PVT1: variants seen among roughly 807,000 people sequenced by gnomAD.
PVT1 encodes the protein Pvt1 oncogene.
intron 4 of PVT1, among the ~76,000 whole-genome samples, chr8:127,996,239 C>T (rs1333827315): frequency 6.6e-6 from 1 of 152,120 alleles, no homozygotes; most frequent in African/African-American, 2.4e-5. Flanking sequence ...GCCTCTGGTT[C>T]TCTCCCTCCT....
At chr8:127,845,329 T>G (rs1815019857) in intron 2 of PVT1, among the ~76,000 whole-genome samples, 1 of 152,074 alleles carries the variant, frequency 6.6e-6, no homozygotes, top group Non-Finnish European at 1.5e-5. Flanking sequence ...ATGGCCTAAA[T>G]GAAGAGTGTT....
At chr8:127,941,163 G>T (rs1816344710) in intron 3 of PVT1, among the ~76,000 whole-genome samples, 1 of 152,146 alleles carries the variant, frequency 6.6e-6, no homozygotes. Context: ...AGCAATGGTG[G>T]GTCCAGTTCC....
At chr8:127,837,123 A>G (rs1046428360) in intron 2 of PVT1, among the ~76,000 whole-genome samples, 1 of 151,686 alleles carries the variant, frequency 6.6e-6, no homozygotes, top group East Asian at 1.9e-4. Flanking sequence ...ACTGACAAAC[A>G]CCCCCACGCC....
chr8:127,818,146 C>T (rs942683918), intron 2 of PVT1, among the ~76,000 whole-genome samples: 3 of 152,138 alleles, frequency 2.0e-5, no homozygotes, highest in South Asian at 2.1e-4. Flanking sequence ...TCTTGACTTG[C>T]CCAGGTGGGA....
In PVT1 at chr8:127,988,394, C is replaced by T. The variant is rs182023281; in HGVS notation, n.783-768C>T. Among the ~76,000 whole-genome samples, 72 of 152,268 alleles carry T rather than the reference C, an allele frequency of 4.7e-4. 1 individual carries two copies. Among genetic ancestry groups the T allele is most frequent in the East Asian group, 1.9e-4 (1 of 5,182 alleles). On this transcript the variant is annotated intron_variant and non_coding_transcript_variant, in intron 3 of 10. Transcript: ENST00000651587. The stretch of plus-strand genomic sequence containing the variant: ...ATGGGGTTTTCTGTGGGGGCCACAC[C>T]GGAGCATCACAGTTCTTTGAAGGAC...
At chr8:127,977,871 T>C (rs1816838874) in intron 3 of PVT1, among the ~76,000 whole-genome samples, 1 of 152,238 alleles carries the variant, frequency 6.6e-6, no homozygotes, top group Non-Finnish European at 1.5e-5. Flanking sequence ...CGGTGCCTTC[T>C]GTCAACTGTT....
intron 4 of PVT1, among the ~76,000 whole-genome samples, chr8:128,020,951 A>G (rs1201451730): frequency 1.3e-5 from 2 of 152,114 alleles, no homozygotes; most frequent in Non-Finnish European, 2.9e-5. Flanking sequence ...AACATCTTCC[A>G]AACACTTCAT....
chr8:127,864,315 G>A (rs561093609), intron 2 of PVT1, among the ~76,000 whole-genome samples: 2 of 152,232 alleles, frequency 1.3e-5, no homozygotes, highest in Admixed American at 6.5e-5. Flanking sequence ...CCAGTCCCCC[G>A]CTGCATGAGT....
intron 4 of PVT1, among the ~76,000 whole-genome samples, chr8:128,007,500 A>G (rs1010490717): frequency 1.4e-4 from 22 of 152,212 alleles, no homozygotes; most frequent in African/African-American, 5.1e-4. Flanking sequence ...TCCACAATCA[A>G]TTGGAAAAGA....
intron 3 of PVT1, among the ~76,000 whole-genome samples, chr8:127,973,625 A>G (rs1420666783): frequency 6.6e-6 from 1 of 151,888 alleles, no homozygotes; most frequent in Non-Finnish European, 1.5e-5. Flanking sequence ...ATGGAAAACT[A>G]AAGTTCCTCA....
chr8:127,887,931 G>GT (rs560976785), intron 2 of PVT1, among the ~76,000 whole-genome samples: 38,718 of 65,850 alleles, frequency 0.59, 17,698 homozygotes, highest in Non-Finnish European at 0.65. Context: ...ACTCTATCTT[G>GT]TTTTTTTTTT....
At chr8:128,092,184 GT>G (rs1391544672) in intron 5 of PVT1, among the ~76,000 whole-genome samples, 1 of 152,136 alleles carries the variant, frequency 6.6e-6, no homozygotes. Context: ...CCCCCCTGCT[GT>G]TTCCCATTTA....
At chr8:127,985,226 G>A (rs111612504) in intron 3 of PVT1, among the ~76,000 whole-genome samples, 2 of 151,484 alleles carry the variant, frequency 1.3e-5, no homozygotes, top group Admixed American at 6.6e-5. Flanking sequence ...CAGAGACAGG[G>A]TTTCACCATC....
intron 5 of PVT1, among the ~76,000 whole-genome samples, chr8:128,077,626 G>A (rs893922826): frequency 6.6e-6 from 1 of 152,144 alleles, no homozygotes; most frequent in African/African-American, 2.4e-5. Flanking sequence ...TTAGGAAGGT[G>A]TACATGATAA....
intron 4 of PVT1, among the ~76,000 whole-genome samples, chr8:128,067,240 C>T (rs1016412681): frequency 1.3e-5 from 2 of 152,220 alleles, no homozygotes; most frequent in African/African-American, 4.8e-5. Flanking sequence ...TTTGCAATTT[C>T]TCACTGCAAC....
chr8:127,929,000 G>A lies in PVT1; in HGVS notation n.782+38002G>A, dbSNP rs543998500. Among the ~76,000 whole-genome samples, 16 of 152,278 alleles carry A rather than the reference G, an allele frequency of 1.1e-4. No homozygotes were observed. In the South Asian group the frequency reaches 3.3e-3, roughly 32 times the overall value. On this transcript the variant is annotated intron_variant and non_coding_transcript_variant, in intron 3 of 10. Coordinates refer to ENST00000651587, the Ensembl canonical transcript of PVT1. Reference sequence around the variant, plus strand: ...ATGATATGCGGCTGCACAGCCAGTGGGAGCCAGCATGCCAGAATTAGGAGG... The same window carrying A: ...ATGATATGCGGCTGCACAGCCAGTGAGAGCCAGCATGCCAGAATTAGGAGG...
intron 4 of PVT1, among the ~76,000 whole-genome samples, chr8:128,057,403 G>A (rs555099353): frequency 1.3e-5 from 2 of 152,256 alleles, no homozygotes; most frequent in African/African-American, 4.8e-5. Flanking sequence ...AGGGAGATAT[G>A]TTAAGATTTG....
intron 4 of PVT1, among the ~76,000 whole-genome samples, chr8:128,026,605 G>A (rs11776227): frequency 0.082 from 12,463 of 152,172 alleles, 676 homozygotes; most frequent in Middle Eastern, 0.15. Context: ...GCTTACGACC[G>A]AGATCAGCTG....
chr8:127,909,185 T>C (rs1815860653), intron 3 of PVT1, among the ~76,000 whole-genome samples: 1 of 152,232 alleles, frequency 6.6e-6, no homozygotes, highest in Admixed American at 6.5e-5. Context: ...AAAGAGACTT[T>C]TAAAAATTAA....
Sources: gnomAD v4.1 joint callset for allele counts (sites outside exome capture counted in the v4.1 genomes callset) on GRCh38, gnomAD v4.1.1 for gene constraint, MANE v1.5 for transcripts, NCBI Gene and HGNC (gene_info 2026-07-23, HGNC 2026-07-21) for gene names.